MSRB3: variants seen among roughly 807,000 people sequenced by gnomAD.
MSRB3 encodes the protein methionine sulfoxide reductase B3.
MSRB3 carries 13 observed loss-of-function variants against 21.0 expected under a neutral mutation model. The ratio of observed to expected loss-of-function variants is 0.62; its 90% confidence interval spans 0.40 to 0.98. MSRB3 has a LOEUF of 0.98. Ranked by LOEUF, MSRB3 falls within the 50% of genes least tolerant of loss-of-function variation. MSRB3 has a pLI of 0.00. For synonymous variants in MSRB3, 87 were observed against 88.6 expected (o/e 0.98, Z 0.10); for missense variants, 199 against 230.3 (o/e 0.86, Z 0.88).
chr12:65,378,345 G>A (rs1033906683), intron 5 of MSRB3, among the ~76,000 whole-genome samples: 17 of 152,080 alleles, frequency 1.1e-4, no homozygotes, highest in African/African-American at 4.1e-4. Context: ...CAGTATAATA[G>A]GTCACCTCAA....
chr12:65,456,817 G>A (rs901560672), intron 6 of MSRB3, among the ~76,000 whole-genome samples: 10 of 152,180 alleles, frequency 6.6e-5, no homozygotes, highest in African/African-American at 2.2e-4. Flanking sequence ...CAGCACTAAC[G>A]AATGGTATGT....
At chr12:65,308,756 CT>C in intron 2 of MSRB3, 101 bp downstream of exon 2, 1 of 1,543,376 alleles carries the variant, frequency 6.5e-7, no homozygotes, top group Non-Finnish European at 8.9e-7. Context: ...ATTTCATTTT[CT>C]TTTACTTGGG....
chr12:65,315,673 C>CAAAAAA (rs3080853), intron 2 of MSRB3, among the ~76,000 whole-genome samples: 1 of 82,388 alleles, frequency 1.2e-5, no homozygotes, highest in Non-Finnish European at 2.7e-5. Context: ...GTCTCCATCT[C>CAAAAAA]AAAAAAAAAA....
chr12:65,429,992 A>G (rs1253192157), intron 5 of MSRB3, among the ~76,000 whole-genome samples: 1 of 152,212 alleles, frequency 6.6e-6, no homozygotes, highest in African/African-American at 2.4e-5. Flanking sequence ...CAAAGATCAC[A>G]TGTAAATTCT....
intron 4 of MSRB3, among the ~76,000 whole-genome samples, chr12:65,355,274 G>A (rs138608844): frequency 4.0e-5 from 6 of 151,792 alleles, no homozygotes; most frequent in African/African-American, 1.5e-4. Context: ...AAGTATGCTT[G>A]CCTAGAGTAG....
intron 2 of MSRB3, among the ~76,000 whole-genome samples, chr12:65,324,476 T>C (rs1874886206): frequency 6.6e-6 from 1 of 152,214 alleles, no homozygotes; most frequent in Non-Finnish European, 1.5e-5. Flanking sequence ...TTCTAATCTA[T>C]GAAATAAAGT....
intron 5 of MSRB3, among the ~76,000 whole-genome samples, chr12:65,378,020 T>G (rs553577343): frequency 6.6e-6 from 1 of 152,312 alleles, no homozygotes; most frequent in East Asian, 1.9e-4. Flanking sequence ...ATATCTTCAT[T>G]GGACTTCATA....
At chr12:65,351,035 A>G (rs979108865) in intron 4 of MSRB3, among the ~76,000 whole-genome samples, 2 of 151,954 alleles carry the variant, frequency 1.3e-5, no homozygotes, top group African/African-American at 2.4e-5. Context: ...CACCACGCCT[A>G]TTCCAAAATT....
chr12:65,419,943 G>A, intron 5 of MSRB3: 1 of 575,786 alleles, frequency 1.7e-6, no homozygotes, highest in South Asian at 1.5e-5. Flanking sequence ...GACCAGCCAG[G>A]TGCCATAGCT....
chr12:65,396,629 T>C (rs112349141), intron 5 of MSRB3, among the ~76,000 whole-genome samples: 6,733 of 149,524 alleles, frequency 0.045, 524 homozygotes, highest in African/African-American at 0.16. Context: ...AAGCAGAGGC[T>C]GCAGTGAGCC....
chr12:65,347,903 G>A (rs1183011112), intron 4 of MSRB3, among the ~76,000 whole-genome samples: 1 of 152,082 alleles, frequency 6.6e-6, no homozygotes. Flanking sequence ...ATTTGCGTAT[G>A]TTGAACCAGC....
At chr12:65,401,394 T>G (rs747645262) in intron 5 of MSRB3, among the ~76,000 whole-genome samples, 8 of 152,216 alleles carry the variant, frequency 5.3e-5, no homozygotes, top group Non-Finnish European at 8.8e-5. Flanking sequence ...CGATCTTTGT[T>G]GGTTTAAAGT....
At chr12:65,369,071 A>T in intron 5 of MSRB3, 45 bp downstream of exon 5, 1 of 1,340,062 alleles carries the variant, frequency 7.5e-7, no homozygotes, top group East Asian at 2.3e-5. Context: ...TTTTATTTAC[A>T]TTATTCTCTG....
At chr12:65,396,914 A>G (rs1879850548) in intron 5 of MSRB3, among the ~76,000 whole-genome samples, 2 of 152,082 alleles carry the variant, frequency 1.3e-5, no homozygotes. Context: ...CTATTTCCTT[A>G]CTAATTTTCT....
intron 1 of MSRB3, chr12:65,305,361 G>A (rs1331257957): frequency 6.6e-6 from 1 of 152,130 alleles, no homozygotes; most frequent in African/African-American, 2.4e-5. Flanking sequence ...TGGCCATCAA[G>A]TAATCTTCTT....
intron 5 of MSRB3, among the ~76,000 whole-genome samples, chr12:65,397,037 T>C (rs1264187197): frequency 6.6e-6 from 1 of 152,226 alleles, no homozygotes; most frequent in Non-Finnish European, 1.5e-5. Flanking sequence ...TGTATTTTGA[T>C]GCACTGTTGT....
intron 5 of MSRB3, among the ~76,000 whole-genome samples, chr12:65,438,169 T>C (rs891294910): frequency 1.3e-5 from 2 of 151,958 alleles, no homozygotes; most frequent in South Asian, 2.1e-4. Flanking sequence ...AATTCATGTC[T>C]AGTCCCCAAA....
chr12:65,323,756 TAGGGAGAAGGGAAATA>T (rs1434511469), intron 2 of MSRB3, among the ~76,000 whole-genome samples: 1 of 152,182 alleles, frequency 6.6e-6, no homozygotes, highest in African/African-American at 2.4e-5. Context: ...GTGAGTCTGA[TAGGGAGAAGGGAAATA>T]AGAGACAAAA....
chr12:65,419,182 G>C (rs554502527), intron 5 of MSRB3: 165 of 699,942 alleles, frequency 2.4e-4, no homozygotes, highest in Non-Finnish European at 3.9e-4. Context: ...GGTGACCACT[G>C]TGGTACTCTC....
Sources: gnomAD v4.1 joint callset for allele counts (sites outside exome capture counted in the v4.1 genomes callset) on GRCh38, gnomAD v4.1.1 for gene constraint, MANE v1.5 for transcripts, NCBI Gene and HGNC (gene_info 2026-07-23, HGNC 2026-07-21) for gene names.